The following GNPTG variants were observed in gnomAD, a reference collection of about 807,000 sequenced individuals.
GNPTG encodes the protein N-acetylglucosamine-1-phosphotransferase subunit gamma.
A neutral mutation model predicts 43.8 loss-of-function variants in GNPTG; 46 were observed. That is an observed-to-expected ratio of 1.05 (90% CI 0.83 to 1.34). The LOEUF is 1.34. GNPTG is among the 40% of genes most tolerant of loss of function. GNPTG has a pLI of 0.00. For missense variants in GNPTG, 549 were observed against 411.3 expected (o/e 1.33, Z -2.90); for synonymous variants, 250 against 172.8 (o/e 1.45, Z -3.50).
chr16:1,354,600 A>C (rs1256683735), intron 3 of GNPTG, among the ~76,000 whole-genome samples: 1 of 150,520 alleles, frequency 6.6e-6, no homozygotes, highest in Admixed American at 6.6e-5. Context: ...AAAAAAAAAA[A>C]AAAAAAAAAC....
rs748782055 is a variant in GNPTG at position 1,362,101 on chromosome 16, C to T, written c.381C>T (p.Asp127=). The change falls in exon 6 of 11, where the codon GAC becomes GAT. Residue 127 remains aspartate, a synonymous_variant. Coordinates refer to ENST00000204679, the MANE Select transcript of GNPTG (RefSeq NM_032520.5). ...CGGGCATGTGGATGAGGGACGGTGACGCCTGCCGTTCCCGGAGCCGGCAGA... is the reference window on the plus strand; with the variant it reads ...CGGGCATGTGGATGAGGGACGGTGATGCCTGCCGTTCCCGGAGCCGGCAGA... The part of the protein sequence containing the change: ...TFTGMWMRDG[D]ACRSRSRQSK... 1.9e-5 allele frequency: 31 copies of T among 1,611,332 alleles called. No individual in the cohort carries two copies. The highest frequency in any genetic ancestry group is 8.9e-5 in the East Asian group (4 of 44,724).
chr16:1,362,293 CT>C lies in GNPTG; in HGVS notation c.500del (p.Leu167ProfsTer9). 1 of 1,613,290 alleles carries C rather than the reference CT, an allele frequency of 6.2e-7. No homozygotes were observed. Among genetic ancestry groups the C allele is most frequent in the African/African-American group, 1.3e-5 (1 of 75,058 alleles). On this transcript the variant is annotated frameshift_variant, in exon 7 of 11. Transcript: ENST00000204679. LOFTEE classifies it high-confidence loss of function. Reference protein sequence around the residue: ...CVYALTFETPLVCHPHALLVY... With the variant: ...CVYALTFETPXVCHPHALLVY... ...CTACGCGCTGACGTTCGAGACCCCC[CT>C]CGTCTGCCACCCCCACGCCTTGCTA... is the stretch of plus-strand genomic sequence containing the variant.
intron 3 of GNPTG, among the ~76,000 whole-genome samples, chr16:1,353,619 G>A (rs1040071861): frequency 6.6e-6 from 1 of 152,282 alleles, no homozygotes; most frequent in East Asian, 1.9e-4. Flanking sequence ...GAACTCCTGG[G>A]CTGAAGCAAT....
At position 1,351,931 on chromosome 16, in the gene GNPTG, A is replaced by C; in HGVS notation, c.-35A>C. ...CGGTCCCCGTGGTCACGTGACCGTC[A>C]CTTCACGTGACCGCGCGGCGGCCGC... On this transcript the variant is annotated 5_prime_UTR_variant, in exon 1 of 11. Transcript: ENST00000204679. 7.9e-7 allele frequency: 1 copy of C among 1,272,592 alleles called. No homozygotes were observed. The highest frequency in any genetic ancestry group is 2.8e-5 in the South Asian group (1 of 35,442). The allele number at this position is 1,272,592 out of a possible 1,614,324, so 78.8% of individuals were successfully genotyped here. A position where few individuals can be genotyped will look rare whatever the true frequency, so the allele number is the denominator to read the frequency against.
At chr16:1,360,157 G>A (rs1449394913) in intron 3 of GNPTG, among the ~76,000 whole-genome samples, 2 of 152,048 alleles carry the variant, frequency 1.3e-5, no homozygotes, top group Non-Finnish European at 2.9e-5. Context: ...TATGTAGTGG[G>A]TGGCACTGTT....
intron 3 of GNPTG, among the ~76,000 whole-genome samples, chr16:1,356,000 G>A (rs1471688888): frequency 6.6e-6 from 1 of 152,042 alleles, no homozygotes; most frequent in Non-Finnish European, 1.5e-5. Flanking sequence ...GAAGTTCTTG[G>A]TGGCGTGTGG....
chr16:1,363,078 G>A lies in GNPTG; in HGVS notation c.905G>A (p.Arg302His), dbSNP rs769262505. ...PEQLRGDPGL[R>H]GSL ...CAGCTGCGGGGTGACCCAGGACTGC[G>A]TGGGAGTTTGTGACCTTGTGGTGGG... is the stretch of plus-strand genomic sequence containing the variant. The change falls in exon 11 of 11, where the codon CGT becomes CAT. Residue 302 changes from arginine to histidine, a missense_variant. By Grantham distance (29) the Arg-to-His change is conservative (BLOSUM62 0). Transcript: ENST00000204679. The A allele has an allele frequency of 4.1e-5, 66 of 1,613,724 alleles. No individual in the cohort carries two copies. The highest frequency in any genetic ancestry group is 1.1e-4 in the East Asian group (5 of 44,886).
At chr16:1,355,033 G>C (rs1190828358) in intron 3 of GNPTG, among the ~76,000 whole-genome samples, 1 of 151,600 alleles carries the variant, frequency 6.6e-6, no homozygotes, top group Non-Finnish European at 1.5e-5. Flanking sequence ...TCTCCCGCAT[G>C]TGCGGGGTCG....
intron 3 of GNPTG, chr16:1,352,544 G>C (rs1481020298): frequency 3.6e-6 from 2 of 562,572 alleles, no homozygotes; most frequent in Non-Finnish European, 6.4e-6. Context: ...TAATAGTCTG[G>C]TGACTTTGCA....
Position 1,361,576 on chromosome 16 carries a change from G to A in GNPTG, c.179-167G>A, listed in dbSNP as rs144062357. 192 of 693,474 alleles carry A rather than the reference G, an allele frequency of 2.8e-4. 1 individual carries two copies. The highest frequency in any genetic ancestry group is 1.8e-3 in the African/African-American group (104 of 56,430). 43.0% of individuals were successfully genotyped at this position (693,474 alleles called of 1,614,324 possible). On this transcript the variant is annotated intron_variant, in intron 3 of 10. Coordinates refer to ENST00000204679, the MANE Select transcript of GNPTG (RefSeq NM_032520.5). ...GGAGAATGGCGTGAACATGGGAGGC[G>A]GAGCTTGAAGTGAGCCAAGATCATG... is the stretch of plus-strand genomic sequence containing the variant.
chr16:1,352,181 C>T, intron 2 of GNPTG, 22 bp downstream of exon 2: 3 of 1,560,194 alleles, frequency 1.9e-6, no homozygotes, highest in African/African-American at 2.7e-5. Flanking sequence ...CGCGGGCTGG[C>T]GGCTCGAGCG....
chr16:1,363,803 CT>C lies in GNPTG; in HGVS notation c.*713del, dbSNP rs1288635597. 1 of 158,492 alleles carries C rather than the reference CT, an allele frequency of 6.3e-6. No homozygotes were observed. Among genetic ancestry groups the C allele is most frequent in the Non-Finnish European group, 1.4e-5 (1 of 71,780 alleles). The allele number at this position is 158,492 out of a possible 1,614,324, so 9.8% of individuals were successfully genotyped here. On this transcript the variant is annotated 3_prime_UTR_variant, in exon 11 of 11. Transcript: ENST00000204679. ...TGCCAGCCATTCTTTGGTCTTCCCA[CT>C]GCTCACCTGTCCTCAGAGCCAGTAC...
Position 1,362,495 on chromosome 16 carries a change from G to C in GNPTG, c.570G>C (p.Gln190His), listed in dbSNP as rs780352492. Reference protein sequence around the residue: ...LPEALQRQWDQVEQDLADELI... With the variant: ...LPEALQRQWDHVEQDLADELI... ...AGGCCCTGCAGCGGCAGTGGGACCA[G>C]GTAGAGCAGGACCTGGCCGATGAGC... The change falls in exon 8 of 11, where the codon CAG becomes CAC. Residue 190 changes from glutamine to histidine, a missense_variant. Gln to His is a conservative substitution (Grantham distance 24, BLOSUM62 0). Coordinates refer to ENST00000204679, the MANE Select transcript of GNPTG (RefSeq NM_032520.5). 1 of 1,614,118 alleles carries C rather than the reference G, an allele frequency of 6.2e-7. No individual in the cohort carries two copies. Among genetic ancestry groups the C allele is most frequent in the Non-Finnish European group, 8.5e-7 (1 of 1,180,018 alleles).
chr16:1,360,299 A>G (rs1374135797), intron 3 of GNPTG, among the ~76,000 whole-genome samples: 1 of 152,082 alleles, frequency 6.6e-6, no homozygotes, highest in East Asian at 1.9e-4. Flanking sequence ...CCATACCTTC[A>G]CTTTCAACCT....
intron 3 of GNPTG, among the ~76,000 whole-genome samples, chr16:1,359,619 G>A (rs987908221): frequency 6.6e-6 from 1 of 152,180 alleles, no homozygotes; most frequent in African/African-American, 2.4e-5. Flanking sequence ...TAACAGCTTT[G>A]AAGTAATTTT....
intron 3 of GNPTG, chr16:1,358,106 A>C (rs373356313): frequency 4.6e-5 from 7 of 152,194 alleles, no homozygotes; most frequent in African/African-American, 1.7e-4. Flanking sequence ...ACGAGTTGCC[A>C]CTGGCCTTGA....
intron 3 of GNPTG, among the ~76,000 whole-genome samples, chr16:1,355,371 G>A (rs1329452559): frequency 6.6e-6 from 1 of 152,206 alleles, no homozygotes; most frequent in East Asian, 1.9e-4. Context: ...ATCAGGCTGA[G>A]AAACTCAGGG....
At chr16:1,355,159 G>A (rs1259265718) in intron 3 of GNPTG, among the ~76,000 whole-genome samples, 2 of 151,230 alleles carry the variant, frequency 1.3e-5, no homozygotes, top group Non-Finnish European at 3.0e-5. Flanking sequence ...GGTCTCCCGC[G>A]TCTGTGGGGT....
rs567324115 is a variant in GNPTG, at chr16:1,363,505, C to CG, written c.*416dup. 409 of 277,602 alleles carry CG rather than the reference C, an allele frequency of 1.5e-3. No individual in the cohort carries two copies. The highest frequency in any genetic ancestry group is 8.3e-3 in the African/African-American group (374 of 44,852). 17.2% of individuals were successfully genotyped at this position (277,602 alleles called of 1,614,324 possible). A position where few individuals can be genotyped will look rare whatever the true frequency, so the allele number is the denominator to read the frequency against. The stretch of plus-strand genomic sequence containing the variant: ...CACACGTCGTGACACCACTGTATCA[C>CG]GGCGAATGTCGAACACTAGAGTTAC... On this transcript the variant is annotated 3_prime_UTR_variant, in exon 11 of 11. Coordinates refer to ENST00000204679, the MANE Select transcript of GNPTG (RefSeq NM_032520.5).
Sources: gnomAD v4.1 joint callset for allele counts (sites outside exome capture counted in the v4.1 genomes callset) on GRCh38, gnomAD v4.1.1 for gene constraint, MANE v1.5 for transcripts, NCBI Gene and HGNC (gene_info 2026-07-23, HGNC 2026-07-21) for gene names.